Variants in TRRAP observed in about 807,000 individuals in gnomAD.
The protein encoded by TRRAP is transformation/transcription domain-associated protein.
A neutral mutation model predicts 438.8 loss-of-function variants in TRRAP; 41 were observed. The ratio of observed to expected loss-of-function variants is 0.09; its 90% CI spans 0.07 to 0.12. The LOEUF (loss-of-function observed/expected upper bound fraction) is 0.12. TRRAP is among the 10% of genes least tolerant of loss of function. The pLI is 1.00. For synonymous variants in TRRAP, 1,994 were observed against 1,962.9 expected, an observed-to-expected ratio of 1.02 and a Z score of -0.42; for missense variants, 3,122 against 5,055.1, an observed-to-expected ratio of 0.62 and a Z score of 11.60.
intron 2 of TRRAP, 102 bp from the exon 3 acceptor site, chr7:98,881,873 A>G (rs1795454243): frequency 1.5e-6 from 2 of 1,308,074 alleles, no homozygotes; most frequent in Non-Finnish European, 1.1e-6. Flanking sequence ...TCAAACTGAT[A>G]AGATCTGATT....
intron 65 of TRRAP, 66 bp from the exon 66 acceptor site, chr7:98,993,472 C>T: frequency 6.5e-7 from 1 of 1,546,794 alleles, no homozygotes; most frequent in Non-Finnish European, 8.8e-7. Context: ...ATGGGTCCTG[C>T]AGCGCTCCGA....
intron 21 of TRRAP, among the ~76,000 whole-genome samples, chr7:98,924,547 G>A (rs1584317690): frequency 6.6e-6 from 1 of 151,718 alleles, no homozygotes; most frequent in Admixed American, 6.6e-5. Flanking sequence ...AAATTAGCCG[G>A]GTGTGGTGGC....
chr7:98,961,602 ACTTT>A, intron 46 of TRRAP, 128 bp downstream of exon 46: 1 of 1,171,048 alleles, frequency 8.5e-7, no homozygotes, highest in East Asian at 2.5e-5. Flanking sequence ...CTACTTGCAA[ACTTT>A]CTTTTAAAAA....
chr7:98,961,058 TAA>T (rs1033827434), intron 45 of TRRAP, among the ~76,000 whole-genome samples: 2 of 152,196 alleles, frequency 1.3e-5, no homozygotes, highest in Admixed American at 6.5e-5. Flanking sequence ...TAAGTATTTT[TAA>T]AAAAGAGTTT....
At chr7:98,950,791 G>A in intron 38 of TRRAP, 85 bp from the exon 39 acceptor site, 1 of 1,440,700 alleles carries the variant, frequency 6.9e-7, no homozygotes, top group South Asian at 1.6e-5. Flanking sequence ...GGTGTGCTAA[G>A]GCCAAGACTA....
rs989151552 is a variant in TRRAP, at chr7:98,878,820, G to T, written c.-62+183G>T. The stretch of plus-strand genomic sequence containing the variant: ...TGCGGGGCCGATGGCGTTTGCGGCC[G>T]AGCTGAGAGGAAGCTGTGGGAGGCG... On this transcript the variant is annotated intron_variant, in intron 1 of 72. Transcript: ENST00000456197. 3.9e-5 allele frequency among the ~76,000 whole-genome samples: 6 copies of T among 152,088 alleles called. 1 individual carries two copies. The highest frequency in any genetic ancestry group is 3.9e-4 in the Admixed American group (6 of 15,280).
At chr7:98,898,417 G>A (rs570658575) in intron 8 of TRRAP, among the ~76,000 whole-genome samples, 46 of 152,310 alleles carry the variant, frequency 3.0e-4, no homozygotes, top group Non-Finnish European at 2.9e-5. Flanking sequence ...CTGCCACATA[G>A]GTAACATGTT....
intron 37 of TRRAP, 87 bp from the exon 38 acceptor site, chr7:98,949,977 C>G: frequency 6.3e-7 from 1 of 1,583,390 alleles, no homozygotes; most frequent in Non-Finnish European, 8.6e-7. Flanking sequence ...TGGGCTGTGT[C>G]TCTGAGCTGT....
In TRRAP at chr7:98,950,183, G is replaced by A; in HGVS notation, c.5255G>A (p.Ser1752Asn). The A allele has an allele frequency of 6.2e-7, 1 of 1,614,208 alleles. No individual in the cohort carries two copies. The highest frequency in any genetic ancestry group is 8.5e-7 in the Non-Finnish European group (1 of 1,180,032). Residue 1752 changes from serine (S) to asparagine (N), a missense_variant, in exon 38 of 73, where the codon AGC becomes AAC. This residue lies in a region of TRRAP where 272 missense variants were observed against 348.5 expected (regional missense o/e 0.78). Coordinates refer to ENST00000456197, the MANE Select transcript of TRRAP (RefSeq NM_001375524.1). The stretch of plus-strand genomic sequence containing the variant: ...GAGGAAGAGATTCCCAAAAATTACA[G>A]CATCGCTCAGAAACGTGCCCTGTTC... The part of the protein sequence containing the change: ...YMEEEIPKNY[S>N]IAQKRALFFR...
chr7:98,991,408 G>A (rs1338442005), intron 64 of TRRAP, among the ~76,000 whole-genome samples: 3 of 152,184 alleles, frequency 2.0e-5, no homozygotes, highest in Non-Finnish European at 2.9e-5. Flanking sequence ...GGCCCTGAGC[G>A]ATGCCCTGGT....
rs1554412435 is a variant in TRRAP, at chr7:98,929,983, T to C, written c.3176-6T>C. 2 of 1,614,008 alleles carry C rather than the reference T, an allele frequency of 1.2e-6. No homozygotes were observed. Among genetic ancestry groups the C allele is most frequent in the South Asian group, 2.2e-5 (2 of 91,060 alleles). The stretch of plus-strand genomic sequence containing the variant: ...TTCTCACGTGCCTTCCCATCTCTCC[T>C]TTTAGGCCCTTTCTTGCTGCCTTGC... On this transcript the variant is annotated splice_polypyrimidine_tract_variant and splice_region_variant and intron_variant, in intron 23 of 72. Transcript: ENST00000456197.
intron 1 of TRRAP, among the ~76,000 whole-genome samples, chr7:98,880,756 A>G (rs982050591): frequency 4.1e-4 from 63 of 152,204 alleles, no homozygotes; most frequent in African/African-American, 1.5e-3. Context: ...TTCTGGTTAT[A>G]GCAGCGCTGA....
At chr7:98,903,591 C>T in intron 12 of TRRAP, 74 bp downstream of exon 12, 1 of 1,587,974 alleles carries the variant, frequency 6.3e-7, no homozygotes. Context: ...GCTGACATTC[C>T]ATAGTTGTGC....
In TRRAP at chr7:98,945,872, C is replaced by G. The variant is rs533253216; in HGVS notation, c.4528-58C>G. 6 of 1,567,794 alleles carry G rather than the reference C, an allele frequency of 3.8e-6. No individual in the cohort carries two copies. The African/African-American group carries it at 8.2e-5, about 21-fold the overall frequency. ...AAAAGTTTACCTTTTCTTTTCTTTT[C>G]TTTTCTTTTTACCTTTCTGTTGCCT... is the stretch of plus-strand genomic sequence containing the variant. On this transcript the variant is annotated intron_variant, in intron 32 of 72. Coordinates refer to ENST00000456197, the MANE Select transcript of TRRAP (RefSeq NM_001375524.1).
At chr7:98,965,342 T>C (rs160386) in intron 48 of TRRAP, among the ~76,000 whole-genome samples, 22,907 of 152,158 alleles carry the variant, frequency 0.15, 5,425 homozygotes, top group African/African-American at 0.51. Flanking sequence ...GCTCCTGGAA[T>C]CTGGATGCTG....
At chr7:98,972,088 C>G (rs983324019) in intron 53 of TRRAP, 143 bp downstream of exon 53, 1 of 1,222,246 alleles carries the variant, frequency 8.2e-7, no homozygotes, top group South Asian at 1.7e-5. Flanking sequence ...TGTCACCCAG[C>G]CTGCAGTCTA....
chr7:98,892,333 C>G, intron 4 of TRRAP, 91 bp from the exon 5 acceptor site: 1 of 1,073,880 alleles, frequency 9.3e-7, no homozygotes, highest in Non-Finnish European at 1.4e-6. Context: ...TGGGTGTAAA[C>G]AGCTGTGTGA....
intron 51 of TRRAP, among the ~76,000 whole-genome samples, chr7:98,969,112 G>A (rs771256437): frequency 6.6e-5 from 10 of 152,210 alleles, no homozygotes; most frequent in Non-Finnish European, 1.2e-4. Context: ...AACCATTTCC[G>A]TAGTGTTCAA....
chr7:98,965,554 T>A, intron 48 of TRRAP, 142 bp from the exon 49 acceptor site: 2 of 1,124,308 alleles, frequency 1.8e-6, no homozygotes, highest in Non-Finnish European at 2.6e-6. Flanking sequence ...TATGAGTGCT[T>A]CAAATCCCAG....
Sources: allele counts gnomAD v4.1 joint callset (sites outside exome capture counted in the v4.1 genomes callset), GRCh38; gene constraint gnomAD v4.1.1; regional missense constraint gnomAD v4.1.1; transcripts MANE v1.5; gene names NCBI Gene and HGNC (gene_info 2026-07-23, HGNC 2026-07-21).